NKAIN1: variants seen among roughly 807,000 people sequenced by gnomAD.
NKAIN1 encodes the protein sodium/potassium-transporting ATPase subunit beta-1-interacting protein 1.
NKAIN1 carries 13 observed loss-of-function variants against 31.6 expected under a neutral mutation model. That is an observed-to-expected ratio of 0.41 (90% CI 0.27 to 0.65). NKAIN1 has a LOEUF of 0.65. Ranked by LOEUF, NKAIN1 falls within the 30% of genes least tolerant of loss-of-function variation. The pLI, the probability that NKAIN1 is intolerant of heterozygous loss-of-function variation, is 0.30. For synonymous variants in NKAIN1, 104 were observed against 109.0 expected (o/e 0.95, Z 0.28); for missense variants, 193 against 262.2 (o/e 0.74, Z 1.82).
chr1:31,197,434 G>A (rs1370419085), intron 1 of NKAIN1, among the ~76,000 whole-genome samples: 2 of 151,770 alleles, frequency 1.3e-5, no homozygotes, highest in African/African-American at 4.8e-5. Flanking sequence ...TTTTAGTAGA[G>A]ATGGGGTTTC....
At chr1:31,198,609 A>G (rs1645349363) in intron 1 of NKAIN1, among the ~76,000 whole-genome samples, 2 of 151,738 alleles carry the variant, frequency 1.3e-5, no homozygotes, top group South Asian at 4.2e-4. Context: ...TTCACCTAGC[A>G]ATGCCAACCC....
chr1:31,187,797 G>A (rs1645255935), intron 2 of NKAIN1, among the ~76,000 whole-genome samples: 1 of 151,878 alleles, frequency 6.6e-6, no homozygotes, highest in Admixed American at 6.6e-5. Flanking sequence ...CACGTGCCAG[G>A]CACTCACTAC....
rs1471504270 is a variant in NKAIN1 at position 31,201,995 on chromosome 1, G to A, written c.55-13808C>T. Among the ~76,000 whole-genome samples, 3 of 152,212 alleles carry A rather than the reference G, an allele frequency of 2.0e-5. No homozygotes were observed. The South Asian group carries it at 6.2e-4, about 32-fold the overall frequency. On this transcript the variant is annotated intron_variant, in intron 1 of 6. Coordinates refer to ENST00000373736, the MANE Select transcript of NKAIN1 (RefSeq NM_024522.3). The stretch of plus-strand genomic sequence containing the variant: ...TGCTGCGGCCCAGCCCTCTACCTCC[G>A]CTGGGCCTGGGGAGCCAGGGAGCAT...
intron 1 of NKAIN1, among the ~76,000 whole-genome samples, chr1:31,195,064 C>T (rs1645314459): frequency 6.6e-6 from 1 of 151,722 alleles, no homozygotes; most frequent in Non-Finnish European, 1.5e-5. Flanking sequence ...AGCCACCGCG[C>T]CTGACTCTTT....
intron 1 of NKAIN1, among the ~76,000 whole-genome samples, chr1:31,223,734 A>T (rs10914331): frequency 6.6e-6 from 1 of 151,954 alleles, no homozygotes; most frequent in African/African-American, 2.4e-5. Context: ...GTGAGCCACC[A>T]CGCCCAGCCG....
intron 1 of NKAIN1, among the ~76,000 whole-genome samples, chr1:31,210,525 G>A (rs1235178054): frequency 6.6e-6 from 1 of 152,158 alleles, no homozygotes; most frequent in East Asian, 1.9e-4. Flanking sequence ...CTGACCTCAG[G>A]TGATCCACCC....
chr1:31,205,922 C>T (rs1198671280), intron 1 of NKAIN1, among the ~76,000 whole-genome samples: 1 of 151,598 alleles, frequency 6.6e-6, no homozygotes, highest in Admixed American at 6.6e-5. Context: ...CGCGCCCGGC[C>T]CAGACAAGCA....
chr1:31,215,870 C>T (rs1017762686), intron 1 of NKAIN1, among the ~76,000 whole-genome samples: 4 of 152,162 alleles, frequency 2.6e-5, no homozygotes, highest in African/African-American at 9.7e-5. Context: ...ATAACAATGG[C>T]TAAGATATGC....
chr1:31,188,629 C>T (rs1207541470), intron 1 of NKAIN1, among the ~76,000 whole-genome samples: 2 of 152,180 alleles, frequency 1.3e-5, no homozygotes, highest in South Asian at 2.1e-4. Flanking sequence ...TTTCACTCCC[C>T]TTCCCTGAAG....
intron 2 of NKAIN1, among the ~76,000 whole-genome samples, chr1:31,186,992 T>C (rs1290351689): frequency 6.6e-6 from 1 of 152,186 alleles, no homozygotes; most frequent in Non-Finnish European, 1.5e-5. Context: ...GTCCTGTGCC[T>C]GCAATTCTAG....
At chr1:31,214,503 A>G (rs1214218657) in intron 1 of NKAIN1, among the ~76,000 whole-genome samples, 3 of 151,524 alleles carry the variant, frequency 2.0e-5, no homozygotes, top group Admixed American at 6.6e-5. Flanking sequence ...TCTTGGCCTC[A>G]TAGAGCTTAC....
At chr1:31,216,612 G>A (rs1645514503) in intron 1 of NKAIN1, among the ~76,000 whole-genome samples, 1 of 152,156 alleles carries the variant, frequency 6.6e-6, no homozygotes, top group African/African-American at 2.4e-5. Context: ...TAGGAGAGCT[G>A]GAGGACTTTT....
intron 1 of NKAIN1, among the ~76,000 whole-genome samples, chr1:31,226,716 G>T (rs1282430621): frequency 6.6e-6 from 1 of 151,368 alleles, no homozygotes; most frequent in South Asian, 2.1e-4. Context: ...TAGAGACGGG[G>T]TTTCACCATG....
chr1:31,237,063 G>C (rs936593943), intron 1 of NKAIN1, among the ~76,000 whole-genome samples: 1 of 152,052 alleles, frequency 6.6e-6, no homozygotes, highest in Non-Finnish European at 1.5e-5. Flanking sequence ...GACCAGCCTG[G>C]GCAACAAGAG....
At position 31,181,611 on chromosome 1, in the gene NKAIN1, G is replaced by T; in HGVS notation, c.*92C>A. 1 of 1,266,608 alleles carries T rather than the reference G, an allele frequency of 7.9e-7. No individual in the cohort carries two copies. The highest frequency in any genetic ancestry group is 1.0e-6 in the Non-Finnish European group (1 of 960,200). The allele number at this position is 1,266,608 out of a possible 1,614,324, so 78.5% of individuals were successfully genotyped here. ...GGCACAGGCTGCAGTGAGCGCGCGG[G>T]CCACCAGGGGGACACGCCTGCGCCT... On this transcript the variant is annotated 3_prime_UTR_variant, in exon 7 of 7. Coordinates refer to ENST00000373736, the MANE Select transcript of NKAIN1 (RefSeq NM_024522.3).
intron 1 of NKAIN1, among the ~76,000 whole-genome samples, chr1:31,216,874 G>A (rs1043777085): frequency 6.6e-6 from 1 of 150,826 alleles, no homozygotes; most frequent in Non-Finnish European, 1.5e-5. Context: ...TTGTATTTTT[G>A]TGTGTGTGTG....
At chr1:31,234,576 A>G (rs1482126215) in intron 1 of NKAIN1, among the ~76,000 whole-genome samples, 1 of 152,112 alleles carries the variant, frequency 6.6e-6, no homozygotes, top group African/African-American at 2.4e-5. Flanking sequence ...TCTGTGGGCT[A>G]GAGATGACTC....
intron 2 of NKAIN1, among the ~76,000 whole-genome samples, chr1:31,186,777 C>T (rs1181752651): frequency 1.3e-5 from 2 of 152,328 alleles, no homozygotes; most frequent in East Asian, 3.9e-4. Flanking sequence ...ATCTTTCCAT[C>T]TGTCTGGAAG....
At chr1:31,199,643 G>T (rs1645361174) in intron 1 of NKAIN1, among the ~76,000 whole-genome samples, 1 of 152,108 alleles carries the variant, frequency 6.6e-6, no homozygotes, top group Admixed American at 6.6e-5. Context: ...CCCATCTCCG[G>T]GGGTCCATCT....
Sources: gnomAD v4.1 joint callset for allele counts (sites outside exome capture counted in the v4.1 genomes callset) on GRCh38, gnomAD v4.1.1 for gene constraint, MANE v1.5 for transcripts, NCBI Gene and HGNC (gene_info 2026-07-23, HGNC 2026-07-21) for gene names.